ZDHHC13: variants seen among roughly 807,000 people sequenced by gnomAD.
ZDHHC13 encodes the protein zDHHC palmitoyltransferase 13, also known as palmitoyltransferase ZDHHC13.
Under a neutral mutation model 86.0 loss-of-function variants are expected in ZDHHC13, and 85 were observed. The observed-to-expected ratio is 0.99, with a 90% CI of 0.83 to 1.18. ZDHHC13 has a LOEUF of 1.18. ZDHHC13 is among the 50% of genes most tolerant of loss of function. The pLI, the probability that ZDHHC13 is intolerant of heterozygous loss-of-function variation, is 0.00. For synonymous variants in ZDHHC13, 263 were observed against 246.4 expected (o/e 1.07, Z -0.63); for missense variants, 711 against 730.2 (o/e 0.97, Z 0.30).
chr11:19,166,234 A>AAATC, intron 13 of ZDHHC13, 68 bp from the exon 14 acceptor site: 3 of 1,268,478 alleles, frequency 2.4e-6, no homozygotes, highest in Non-Finnish European at 3.3e-6. Flanking sequence ...AAAGTGGTTA[A>AAATC]GGAGGTCTTA....
chr11:19,125,166 T>C (rs533614245), intron 1 of ZDHHC13, among the ~76,000 whole-genome samples: 5 of 152,268 alleles, frequency 3.3e-5, no homozygotes, highest in African/African-American at 1.2e-4. Flanking sequence ...AAACAGACTT[T>C]TAAGAGATGG....
At chr11:19,143,801 A>T (rs1327245096) in intron 2 of ZDHHC13, among the ~76,000 whole-genome samples, 1 of 152,222 alleles carries the variant, frequency 6.6e-6, no homozygotes, top group Non-Finnish European at 1.5e-5. Context: ...CTTGTTGATT[A>T]TTAACATCTA....
intron 10 of ZDHHC13, 96 bp downstream of exon 10, chr11:19,159,136 A>T: frequency 1.3e-6 from 1 of 758,558 alleles, no homozygotes; most frequent in African/African-American, 1.8e-5. Flanking sequence ...AGGCCCAGGG[A>T]ATGCAACTTA....
intron 12 of ZDHHC13, 78 bp from the exon 13 acceptor site, chr11:19,164,974 A>G: frequency 1.6e-6 from 2 of 1,263,414 alleles, no homozygotes; most frequent in South Asian, 2.6e-5. Flanking sequence ...TGTGACCTAA[A>G]GTTAAAATTT....
chr11:19,152,871 T>C (rs71486896), intron 8 of ZDHHC13, among the ~76,000 whole-genome samples, 187 bp downstream of exon 8: 1 of 152,144 alleles, frequency 6.6e-6, no homozygotes, highest in African/African-American at 2.4e-5. Flanking sequence ...CTATTTATTG[T>C]TGGTCCTCAA....
chr11:19,146,063 A>G (rs1849455428), intron 2 of ZDHHC13, 118 bp from the exon 3 acceptor site: 2 of 1,048,658 alleles, frequency 1.9e-6, no homozygotes, highest in Non-Finnish European at 2.7e-6. Flanking sequence ...TAATTATTAT[A>G]TTTCTGTATT....
At chr11:19,140,129 A>T (rs1466115524) in intron 1 of ZDHHC13, among the ~76,000 whole-genome samples, 1 of 150,064 alleles carries the variant, frequency 6.7e-6, no homozygotes, top group Non-Finnish European at 1.5e-5. Context: ...TGAACAGGCA[A>T]CCTACAACAT....
At chr11:19,156,577 A>G (rs1849761324) in intron 9 of ZDHHC13, among the ~76,000 whole-genome samples, 1 of 152,200 alleles carries the variant, frequency 6.6e-6, no homozygotes, top group South Asian at 2.1e-4. Flanking sequence ...TAGCTGACAC[A>G]TAGTACTCAA....
chr11:19,152,818 C>A, intron 8 of ZDHHC13, 134 bp downstream of exon 8: 2 of 1,378,922 alleles, frequency 1.5e-6, no homozygotes, highest in Admixed American at 4.5e-5. Flanking sequence ...ATCTTTCCCC[C>A]GCATCCTATT....
chr11:19,157,240 A>G (rs1477874848), intron 9 of ZDHHC13, among the ~76,000 whole-genome samples: 1 of 152,234 alleles, frequency 6.6e-6, no homozygotes, highest in Non-Finnish European at 1.5e-5. Context: ...AAAGCAGGAA[A>G]CTTGTCTCTG....
At chr11:19,165,746 T>G (rs576782109) in intron 13 of ZDHHC13, among the ~76,000 whole-genome samples, 5 of 152,330 alleles carry the variant, frequency 3.3e-5, no homozygotes, top group African/African-American at 9.6e-5. Context: ...TTCCCCCTGA[T>G]TAAGTCAATC....
chr11:19,168,464 C>G (rs1850133181), intron 14 of ZDHHC13: 3 of 152,242 alleles, frequency 2.0e-5, no homozygotes, highest in Non-Finnish European at 4.4e-5. Flanking sequence ...CTTCCCTTCT[C>G]TTTGTCTTTT....
At chr11:19,136,997 AAC>A in intron 1 of ZDHHC13, among the ~76,000 whole-genome samples, 1 of 152,314 alleles carries the variant, frequency 6.6e-6, no homozygotes, top group East Asian at 1.9e-4. Flanking sequence ...ACTAGGAAGA[AAC>A]TGCATGAACT....
intron 14 of ZDHHC13, chr11:19,167,100 A>G (rs1473797811): frequency 6.6e-6 from 1 of 152,242 alleles, no homozygotes; most frequent in Non-Finnish European, 1.5e-5. Context: ...TAGGTTACCT[A>G]ACTGGAAAAA....
chr11:19,165,766 CA>C (rs1850048296), intron 13 of ZDHHC13, among the ~76,000 whole-genome samples: 1 of 152,178 alleles, frequency 6.6e-6, no homozygotes, highest in African/African-American at 2.4e-5. Context: ...CCTTGATATT[CA>C]GAGGTGGTGC....
At chr11:19,143,149 A>G in intron 2 of ZDHHC13, 26 bp downstream of exon 2, 2 of 1,600,910 alleles carry the variant, frequency 1.2e-6, no homozygotes, top group Non-Finnish European at 1.7e-6. Context: ...GCTTTGGTTT[A>G]TCCTTATGTT....
At chr11:19,174,170 A>G (rs1227728459) in intron 16 of ZDHHC13, among the ~76,000 whole-genome samples, 2 of 152,224 alleles carry the variant, frequency 1.3e-5, no homozygotes, top group Admixed American at 1.3e-4. Flanking sequence ...CAGAGTGGAA[A>G]CACCAGACAA....
intron 8 of ZDHHC13, among the ~76,000 whole-genome samples, chr11:19,155,323 GGTT>G (rs1372217829): frequency 6.6e-6 from 1 of 152,064 alleles, no homozygotes; most frequent in Non-Finnish European, 1.5e-5. Context: ...GTTTTTAAAA[GGTT>G]GTTTCCCACT....
At position 19,164,557 on chromosome 11, in the gene ZDHHC13, G is replaced by A; in HGVS notation, c.1296+194G>A. On this transcript the variant is annotated intron_variant, in intron 12 of 16. Transcript: ENST00000446113. ...ATGATGTTTATAATCTCTTGAAGTT[G>A]TCTCTGGTTACATCTCTCCGTGAAT... 3 of 596,952 alleles carry A rather than the reference G, an allele frequency of 5.0e-6. No homozygotes were observed. The South Asian group carries it at 6.3e-5, about 13-fold the overall frequency. 37.0% of individuals were successfully genotyped at this position (596,952 alleles called of 1,614,324 possible).
Sources: allele counts gnomAD v4.1 joint callset (sites outside exome capture counted in the v4.1 genomes callset), GRCh38; gene constraint gnomAD v4.1.1; transcripts MANE v1.5; gene names NCBI Gene and HGNC (gene_info 2026-07-23, HGNC 2026-07-21).